PAK6: variants seen among roughly 807,000 people sequenced by gnomAD.
PAK6 encodes serine/threonine-protein kinase PAK 6.
A neutral mutation model predicts 60.8 loss-of-function variants in PAK6; 33 were observed. The ratio of observed to expected loss-of-function variants is 0.54; its 90% confidence interval spans 0.41 to 0.73. PAK6 has a LOEUF of 0.73. PAK6 is among the 30% of genes least tolerant of loss of function. PAK6 has a pLI of 0.00. For synonymous variants in PAK6, 404 were observed against 378.5 expected, an observed-to-expected ratio of 1.07 and a Z score of -0.78; for missense variants, 845 against 904.1, an observed-to-expected ratio of 0.93 and a Z score of 0.84.
At chr15:40,267,474 G>A (rs926263257) in intron 5 of PAK6, among the ~76,000 whole-genome samples, 16 of 152,136 alleles carry the variant, frequency 1.1e-4, no homozygotes, top group Admixed American at 1.3e-4. Flanking sequence ...TCGCTAACAC[G>A]GTGAAACCCC....
intron 5 of PAK6, among the ~76,000 whole-genome samples, chr15:40,270,179 C>A (rs371832281): frequency 2.9e-4 from 44 of 152,302 alleles, no homozygotes; most frequent in African/African-American, 9.9e-4. Context: ...TGCCCCACTT[C>A]CCTCCCTGTC....
rs1343040404 is a variant in PAK6 at position 40,272,258 on chromosome 15, A to AC, written c.899dup (p.Ser301LysfsTer80). ...TCTTTCCGACCGCCGCAGAAAGACA[A>AC]CCCCCCAAGCCTGGTGGCCAAGGCC... On this transcript the variant is annotated frameshift_variant, in exon 6 of 11. Coordinates refer to ENST00000560346, the Ensembl canonical transcript of PAK6. LOFTEE classifies it high-confidence loss of function. 3 of 1,610,654 alleles carry AC rather than the reference A, an allele frequency of 1.9e-6. No individual in the cohort carries two copies. Among genetic ancestry groups the AC allele is most frequent in the East Asian group, 2.2e-5 (1 of 44,744 alleles).
At chr15:40,256,325 C>G (rs1398976130) in intron 3 of PAK6, among the ~76,000 whole-genome samples, 1 of 152,138 alleles carries the variant, frequency 6.6e-6, no homozygotes, top group South Asian at 2.1e-4. Context: ...GTCTTCTGTT[C>G]GCGGTAATTC....
intron 5 of PAK6, among the ~76,000 whole-genome samples, chr15:40,269,707 C>G (rs1339564468): frequency 6.6e-6 from 1 of 152,228 alleles, no homozygotes. Context: ...GCCAGCTCCC[C>G]AGACTCCCCA....
intron 2 of PAK6, among the ~76,000 whole-genome samples, chr15:40,247,925 G>A (rs1161304132): frequency 2.0e-5 from 3 of 152,110 alleles, no homozygotes; most frequent in Non-Finnish European, 4.4e-5. Flanking sequence ...TTTCTCCTTG[G>A]TCCCTTCTGC....
At chr15:40,277,156 C>G (rs2039478908) in exon 11 of PAK6, 1 of 152,228 alleles carries the variant, frequency 6.6e-6, no homozygotes, top group Admixed American at 6.5e-5. Flanking sequence ...TCCGGGTTTC[C>G]ATCATGTCAA....
chr15:40,264,775 T>G lies in PAK6; in HGVS notation c.-5-6T>G, dbSNP rs745333262. The G allele has an allele frequency of 1.9e-6, 3 of 1,613,282 alleles. No individual in the cohort carries two copies. Among genetic ancestry groups the G allele is most frequent in the Non-Finnish European group, 1.7e-6 (2 of 1,179,838 alleles). On this transcript the variant is annotated splice_polypyrimidine_tract_variant and splice_region_variant and intron_variant, in intron 3 of 10. Transcript: ENST00000560346. ...GAGGGAGCTCAACCTTACTCTGCAC[T>G]TACAGGCACCATGTTCCGCAAGAAA... is the stretch of plus-strand genomic sequence containing the variant.
chr15:40,244,105 G>A (rs1249463969), intron 2 of PAK6, among the ~76,000 whole-genome samples: 1 of 152,144 alleles, frequency 6.6e-6, no homozygotes, highest in Non-Finnish European at 1.5e-5. Flanking sequence ...GCTGAGGTAG[G>A]CAGATCACAA....
intron 5 of PAK6, chr15:40,267,105 TGAA>T (rs1475997361): frequency 6.6e-6 from 1 of 152,312 alleles, no homozygotes; most frequent in Non-Finnish European, 1.5e-5. Context: ...CTCTTGCGTA[TGAA>T]GGCTTTACAA....
At chr15:40,273,740 T>G in intron 9 of PAK6, 64 bp downstream of exon 9, 2 of 1,584,646 alleles carry the variant, frequency 1.3e-6, no homozygotes, top group Non-Finnish European at 1.7e-6. Context: ...GCTCTTCTGC[T>G]GTGGCCCCTC....
chr15:40,273,429 G>A (rs748536361), exon 8 of PAK6: 12 of 1,613,752 alleles, frequency 7.4e-6, no homozygotes, highest in East Asian at 2.2e-5. Flanking sequence ...GTCATCCACC[G>A]GGACATCAAG....
At chr15:40,276,868 C>T (rs1369815947) in exon 11 of PAK6, 1 of 152,210 alleles carries the variant, frequency 6.6e-6, no homozygotes, top group East Asian at 1.9e-4. Context: ...GCCCCTCTCT[C>T]CCACTAAGTT....
exon 5 of PAK6, chr15:40,266,381 C>T (rs763095176): frequency 5.6e-6 from 9 of 1,612,910 alleles, no homozygotes; most frequent in African/African-American, 2.7e-5. Flanking sequence ...GCAGCCCTAG[C>T]CCTAAGACCC....
At chr15:40,264,920 C>T in exon 4 of PAK6, 3 of 1,613,848 alleles carry the variant, frequency 1.9e-6, no homozygotes, top group East Asian at 2.2e-5. Context: ...ACATCCTGGA[C>T]ACACTGCGGC....
intron 2 of PAK6, among the ~76,000 whole-genome samples, chr15:40,243,927 G>A (rs953504807): frequency 1.3e-5 from 2 of 152,212 alleles, no homozygotes; most frequent in African/African-American, 4.8e-5. Flanking sequence ...ATGAGGAACT[G>A]TGTTCTGCTG....
At chr15:40,277,426 G>A (rs1312223958) in exon 11 of PAK6, 3 of 152,566 alleles carry the variant, frequency 2.0e-5, no homozygotes. Flanking sequence ...ATCTTCCCTA[G>A]AAATTTTTGT....
chr15:40,242,743 A>AG (rs1457826006), intron 2 of PAK6, among the ~76,000 whole-genome samples: 1 of 152,150 alleles, frequency 6.6e-6, no homozygotes, highest in Non-Finnish European at 1.5e-5. Flanking sequence ...GCTCAGCCCT[A>AG]GGGGCCAGGA....
rs150405394 is a variant in PAK6, at chr15:40,249,504, G to A, written c.-117-3674G>A. ...TAGCTTTGTACGGGGCCTGGCCCAC[G>A]GGAAGCATGCCATCATTGGCAGCCA... is the stretch of plus-strand genomic sequence containing the variant. On this transcript the variant is annotated intron_variant, in intron 2 of 10. Coordinates refer to ENST00000560346, the Ensembl canonical transcript of PAK6. 5.9e-3 allele frequency among the ~76,000 whole-genome samples: 904 copies of A among 152,296 alleles called. 11 individuals carry two copies. Among genetic ancestry groups the A allele is most frequent in the Non-Finnish European group, 8.6e-3 (584 of 68,020 alleles).
chr15:40,272,480 T>G (rs755129680), exon 6 of PAK6: 27 of 1,613,700 alleles, frequency 1.7e-5, no homozygotes, highest in African/African-American at 2.7e-5. Context: ...GACCCCACGG[T>G]TGCCAAGGGT....
Sources: allele counts gnomAD v4.1 joint callset (sites outside exome capture counted in the v4.1 genomes callset), GRCh38; gene constraint gnomAD v4.1.1; transcripts MANE v1.5; gene names NCBI Gene and HGNC (gene_info 2026-07-23, HGNC 2026-07-21).